The following CHAT variants were observed in gnomAD, a reference collection of about 807,000 sequenced individuals.
CHAT encodes the protein acetyl CoA:choline O-acetyltransferase.
A neutral mutation model predicts 76.9 loss-of-function variants in CHAT; 61 were observed. The observed-to-expected ratio is 0.79, with a 90% CI of 0.65 to 0.98. The LOEUF (loss-of-function observed/expected upper bound fraction) is 0.98. Ranked by LOEUF, CHAT falls within the 50% of genes least tolerant of loss-of-function variation. CHAT has a pLI of 0.00. For synonymous variants in CHAT, 407 were observed against 397.4 expected (o/e 1.02, Z -0.29); for missense variants, 946 against 986.9 (o/e 0.96, Z 0.56).
At chr10:49,654,536 C>G (rs1019096977) in intron 11 of CHAT, among the ~76,000 whole-genome samples, 1 of 152,242 alleles carries the variant, frequency 6.6e-6, no homozygotes, top group East Asian at 1.9e-4. Context: ...GGGGAAGCAG[C>G]CACTGCTGCT....
chr10:49,624,953 T>C (rs1057219974), intron 5 of CHAT, among the ~76,000 whole-genome samples: 2 of 151,182 alleles, frequency 1.3e-5, no homozygotes, highest in African/African-American at 2.4e-5. Flanking sequence ...GGTAGATGTA[T>C]GGATATATGG....
intron 11 of CHAT, among the ~76,000 whole-genome samples, chr10:49,654,086 C>G (rs1839960473): frequency 1.3e-5 from 2 of 152,244 alleles, no homozygotes; most frequent in Non-Finnish European, 2.9e-5. Context: ...CAGCAGAAAC[C>G]TAGAGGCTGC....
In CHAT at chr10:49,655,172, G is replaced by A; in HGVS notation, c.1712G>A (p.Arg571Lys). ...RFQEGRVDNIRSATPEALAFV... is the reference protein window; with the variant it reads ...RFQEGRVDNIKSATPEALAFV... ...CAGGAGGGACGCGTGGACAACATCA[G>A]ATCGGCCACTCCAGAGGCACTGGCT... Residue 571 changes from arginine (R) to lysine (K), a missense_variant, in exon 12 of 15, where the codon AGA (arginine) becomes AAA (lysine). Coordinates refer to ENST00000337653, the MANE Select transcript of CHAT (RefSeq NM_020549.5). 1 of 1,614,066 alleles carries A rather than the reference G, an allele frequency of 6.2e-7. No homozygotes were observed.
intron 10 of CHAT, among the ~76,000 whole-genome samples, chr10:49,650,992 C>T (rs1839857768): frequency 1.3e-5 from 2 of 152,044 alleles, no homozygotes; most frequent in Admixed American, 1.3e-4. Context: ...CCCACATTCC[C>T]CAAGGCCCCC....
At chr10:49,616,658 G>C in intron 2 of CHAT, 56 bp downstream of exon 2, 1 of 1,258,088 alleles carries the variant, frequency 7.9e-7, no homozygotes. Context: ...ACATGCCCTT[G>C]CTTCTAGAAC....
chr10:49,612,049 A>G, upstream of CHAT: 1 of 1,613,774 alleles, frequency 6.2e-7, no homozygotes, highest in Non-Finnish European at 8.5e-7. Flanking sequence ...GCTCGGGCCC[A>G]TAGTGGCAGG....
intron 5 of CHAT, among the ~76,000 whole-genome samples, chr10:49,624,099 G>A (rs996502622): frequency 2.6e-5 from 4 of 152,144 alleles, no homozygotes; most frequent in African/African-American, 9.7e-5. Context: ...AGCCCCACAG[G>A]ACCTGGCCTG....
upstream of CHAT, chr10:49,610,754 A>C (rs1326967927): frequency 1.3e-6 from 2 of 1,529,268 alleles, no homozygotes; most frequent in Admixed American, 4.5e-5. Flanking sequence ...GAATCCGCGG[A>C]ACCTGCGGGC....
At chr10:49,649,153 C>G (rs1348342185) in intron 9 of CHAT, among the ~76,000 whole-genome samples, 2 of 152,196 alleles carry the variant, frequency 1.3e-5, no homozygotes, top group Non-Finnish European at 1.5e-5. Flanking sequence ...GAAACCTAAA[C>G]CAAGCCTAGT....
rs891493193 is a variant in CHAT at position 49,622,030 on chromosome 10, A to AAGGG, written c.699-51_699-48dup. 54 of 1,546,350 alleles carry AAGGG rather than the reference A, an allele frequency of 3.5e-5. No individual in the cohort carries two copies. In the East Asian group the frequency reaches 9.5e-4, roughly 27 times the overall value. On this transcript the variant is annotated intron_variant, in intron 4 of 14. Transcript: ENST00000337653. ...AGAGGGAAGGAGGGAGGGGAGGCAG[A>AAGGG]AGGGAGGGAGGGAGGGAGGAAGCCA...
At position 49,653,544 on chromosome 10, in the gene CHAT, C is replaced by T. The variant is rs181541111; in HGVS notation, c.1634+1538C>T. Among the ~76,000 whole-genome samples, 126 of 152,292 alleles carry T rather than the reference C, an allele frequency of 8.3e-4. 2 individuals are homozygous for T. In the East Asian group the frequency reaches 0.022, roughly 27 times the overall value. On this transcript the variant is annotated intron_variant, in intron 11 of 14. Transcript: ENST00000337653. ...CCGTGTAGACACAGCAGCCCAGTGT[C>T]CCCTGCGGGGCTGTAATTCTCAAGG...
At chr10:49,658,410 G>T (rs1410604372) in intron 13 of CHAT, among the ~76,000 whole-genome samples, 1 of 152,210 alleles carries the variant, frequency 6.6e-6, no homozygotes, top group African/African-American at 2.4e-5. Context: ...CCAGCTACTC[G>T]GGAAGGCTGA....
chr10:49,626,244 C>A (rs1428393679), intron 6 of CHAT, among the ~76,000 whole-genome samples: 2 of 152,198 alleles, frequency 1.3e-5, no homozygotes, highest in Non-Finnish European at 2.9e-5. Context: ...AGACTGGGTT[C>A]CACAGAGCCA....
chr10:49,632,459 C>A (rs911668080), intron 7 of CHAT, among the ~76,000 whole-genome samples: 2 of 152,162 alleles, frequency 1.3e-5, no homozygotes, highest in African/African-American at 4.8e-5. Context: ...TAGCTCCCAA[C>A]CCTCTCAGCT....
At chr10:49,616,373 C>T in intron 1 of CHAT, 129 bp from the exon 2 acceptor site, 1 of 766,294 alleles carries the variant, frequency 1.3e-6, no homozygotes, top group Non-Finnish European at 2.3e-6. Flanking sequence ...GCAATGAGAC[C>T]CCTATACACA....
At chr10:49,621,974 G>T in intron 4 of CHAT, 123 bp from the exon 5 acceptor site, 1 of 1,035,226 alleles carries the variant, frequency 9.7e-7, no homozygotes. Flanking sequence ...GAGGGAGGGA[G>T]AAGGGAGGGA....
upstream of CHAT, among the ~76,000 whole-genome samples, chr10:49,609,755 G>A (rs1838239677): frequency 6.6e-6 from 1 of 152,204 alleles, no homozygotes; most frequent in Admixed American, 6.5e-5. Context: ...AGGGGCCAGG[G>A]GGCGGAGTCG....
At chr10:49,636,957 C>T (rs1839312935) in intron 7 of CHAT, among the ~76,000 whole-genome samples, 1 of 151,446 alleles carries the variant, frequency 6.6e-6, no homozygotes, top group African/African-American at 2.4e-5. Context: ...ATAGTATCCT[C>T]TTATTATACT....
At chr10:49,616,041 T>G in intron 1 of CHAT, 5 of 1,613,778 alleles carry the variant, frequency 3.1e-6, no homozygotes, top group Non-Finnish European at 4.2e-6. Flanking sequence ...TTCACCCTAC[T>G]CCACACCAGA....
Sources: gnomAD v4.1 joint callset for allele counts (sites outside exome capture counted in the v4.1 genomes callset) on GRCh38, gnomAD v4.1.1 for gene constraint, MANE v1.5 for transcripts, NCBI Gene and HGNC (gene_info 2026-07-23, HGNC 2026-07-21) for gene names.